Variants in VPS13B observed in about 807,000 individuals in gnomAD.
The protein encoded by VPS13B is vacuolar protein sorting 13 homolog B.
A neutral mutation model predicts 426.4 loss-of-function variants in VPS13B; 285 were observed. The observed-to-expected ratio is 0.67, with a 90% CI of 0.61 to 0.74. The LOEUF (loss-of-function observed/expected upper bound fraction) is 0.74, where lower values mean the gene tolerates loss of function less well. Ranked by LOEUF, VPS13B falls within the 30% of genes least tolerant of loss-of-function variation. VPS13B has a pLI of 0.00. For synonymous variants in VPS13B, 1,676 were observed against 1,676.4 expected (o/e 1.00, Z 0.01); for missense variants, 4,537 against 4,782.6 (o/e 0.95, Z 1.51).
chr8:99,824,741 G>A (rs756349737), intron 51 of VPS13B, among the ~76,000 whole-genome samples: 2 of 151,462 alleles, frequency 1.3e-5, no homozygotes, highest in Non-Finnish European at 2.9e-5. Context: ...CTCCCCCTGC[G>A]ACAGGCCCTG....
At chr8:99,769,593 G>A (rs933155895) in intron 40 of VPS13B, among the ~76,000 whole-genome samples, 2 of 152,172 alleles carry the variant, frequency 1.3e-5, no homozygotes, top group East Asian at 3.8e-4. Context: ...AAAAAGAAGA[G>A]CCTCTTGCCT....
In VPS13B at chr8:99,587,646, T is replaced by A. The variant is rs148488455; in HGVS notation, c.5220+10013T>A. On this transcript the variant is annotated intron_variant, in intron 33 of 61. Transcript: ENST00000357162. ...CTTTTAAAGTGTCTATTCATATCCT[T>A]TGCCCACTTTTTGATGTGGTTGTTT... Among the ~76,000 whole-genome samples the A allele has an allele frequency of 4.1e-4, 62 of 151,928 alleles. 2 individuals are homozygous for A. The highest frequency in any genetic ancestry group is 3.4e-3 in the Middle Eastern group (1 of 294).
chr8:99,593,263 T>C (rs1826788072), intron 33 of VPS13B, among the ~76,000 whole-genome samples: 3 of 151,842 alleles, frequency 2.0e-5, no homozygotes. Context: ...CGTGGACAGA[T>C]ACTTCTCAAA....
At chr8:99,459,000 C>T (rs202232221) in intron 23 of VPS13B, among the ~76,000 whole-genome samples, 4 of 152,034 alleles carry the variant, frequency 2.6e-5, no homozygotes, top group Non-Finnish European at 2.9e-5. Flanking sequence ...TGCCCATGCC[C>T]ATGTCCTGAA....
intron 24 of VPS13B, among the ~76,000 whole-genome samples, 165 bp downstream of exon 24, chr8:99,467,799 C>CTTGAGTATCCTA (rs1563746640): frequency 6.6e-6 from 1 of 152,150 alleles, no homozygotes; most frequent in African/African-American, 2.4e-5. Flanking sequence ...GAAGCTCTCT[C>CTTGAGTATCCTA]AAGTTGTGTA....
chr8:99,620,744 G>A (rs1346437111), intron 33 of VPS13B, among the ~76,000 whole-genome samples: 1 of 151,776 alleles, frequency 6.6e-6, no homozygotes, highest in Non-Finnish European at 1.5e-5. Flanking sequence ...GGCTGAGGCA[G>A]GTGGATCACC....
chr8:99,142,672 G>C (rs540099386), intron 12 of VPS13B, among the ~76,000 whole-genome samples: 1 of 152,176 alleles, frequency 6.6e-6, no homozygotes, highest in Admixed American at 6.5e-5. Flanking sequence ...ATTGTGTATA[G>C]AATTACTAGA....
chr8:99,568,972 C>T (rs547735647), intron 31 of VPS13B, among the ~76,000 whole-genome samples: 16 of 151,752 alleles, frequency 1.1e-4, no homozygotes, highest in Admixed American at 2.6e-4. Flanking sequence ...CCACCACGCC[C>T]GGCTAATTTT....
intron 8 of VPS13B, among the ~76,000 whole-genome samples, chr8:99,122,903 T>C (rs971583627): frequency 7.9e-5 from 12 of 151,728 alleles, no homozygotes; most frequent in African/African-American, 2.9e-4. Context: ...ACCTGAGATC[T>C]GGAATTCGAG....
intron 3 of VPS13B, among the ~76,000 whole-genome samples, chr8:99,050,024 A>G (rs1244832226): frequency 1.4e-5 from 2 of 147,884 alleles, no homozygotes; most frequent in Non-Finnish European, 3.0e-5. Context: ...TTGTATTTTT[A>G]TTTTTTTATT....
chr8:99,052,578 A>G (rs992276997), intron 3 of VPS13B, among the ~76,000 whole-genome samples: 9 of 138,868 alleles, frequency 6.5e-5, no homozygotes, highest in South Asian at 5.3e-4. Context: ...CTCTTTTTCT[A>G]TTGATTGAAA....
chr8:99,654,042 T>C (rs1829927322), intron 34 of VPS13B, among the ~76,000 whole-genome samples: 1 of 151,124 alleles, frequency 6.6e-6, no homozygotes, highest in African/African-American at 2.4e-5. Flanking sequence ...ATTATTATTA[T>C]TATTATTATT....
intron 15 of VPS13B, among the ~76,000 whole-genome samples, chr8:99,158,641 C>T (rs1012514764): frequency 2.0e-5 from 3 of 152,182 alleles, no homozygotes; most frequent in Non-Finnish European, 2.9e-5. Flanking sequence ...CTTCACTGCT[C>T]ATGCTCTATA....
chr8:99,583,619 T>C (rs1826177724), intron 33 of VPS13B, among the ~76,000 whole-genome samples: 1 of 152,094 alleles, frequency 6.6e-6, no homozygotes, highest in African/African-American at 2.4e-5. Context: ...AGTGAAAAAT[T>C]CTCCAAGACA....
chr8:99,217,955 T>C (rs948602552), intron 17 of VPS13B, among the ~76,000 whole-genome samples: 4 of 152,212 alleles, frequency 2.6e-5, no homozygotes, highest in Non-Finnish European at 5.9e-5. Flanking sequence ...CTCATGAACA[T>C]ATCAATCCAA....
chr8:99,818,705 T>A lies in VPS13B; in HGVS notation c.8446-8T>A, dbSNP rs774202116. The stretch of plus-strand genomic sequence containing the variant: ...TATGAAAGTTGTTCTATCCTTTTAT[T>A]TTTATAGATTGTGTTCAGCCCTCTT... On this transcript the variant is annotated splice_region_variant and splice_polypyrimidine_tract_variant and intron_variant, in intron 46 of 61. Coordinates refer to ENST00000357162, the MANE Select transcript of VPS13B (RefSeq NM_152564.5). The A allele has an allele frequency of 1.2e-6, 2 of 1,613,478 alleles. No individual in the cohort carries two copies. The highest frequency in any genetic ancestry group is 2.7e-5 in the African/African-American group (2 of 74,900).
intron 17 of VPS13B, among the ~76,000 whole-genome samples, chr8:99,208,075 T>C (rs1814834629): frequency 6.6e-6 from 1 of 152,200 alleles, no homozygotes; most frequent in Admixed American, 6.5e-5. Context: ...GCAAATTTAT[T>C]TGTTGAAGCC....
intron 33 of VPS13B, among the ~76,000 whole-genome samples, chr8:99,618,353 C>T (rs192166843): frequency 5.3e-5 from 8 of 151,250 alleles, no homozygotes; most frequent in African/African-American, 1.7e-4. Flanking sequence ...GTTTAGAAAC[C>T]GAATCACAGA....
chr8:99,441,513 C>A (rs927662071), intron 22 of VPS13B, among the ~76,000 whole-genome samples: 1 of 152,026 alleles, frequency 6.6e-6, no homozygotes, highest in Non-Finnish European at 1.5e-5. Flanking sequence ...TTTGTATTTT[C>A]TCAATAACTT....
Sources: gnomAD v4.1 joint callset for allele counts (sites outside exome capture counted in the v4.1 genomes callset) on GRCh38, gnomAD v4.1.1 for gene constraint, MANE v1.5 for transcripts, NCBI Gene and HGNC (gene_info 2026-07-23, HGNC 2026-07-21) for gene names.